Variants in BRINP1 observed in about 807,000 individuals in gnomAD.
BRINP1 encodes the protein BMP/retinoic acid-inducible neural-specific protein 1.
A neutral mutation model predicts 72.9 loss-of-function variants in BRINP1; 17 were observed. That is an observed-to-expected ratio of 0.23 (90% CI 0.16 to 0.35). The LOEUF (loss-of-function observed/expected upper bound fraction) is 0.35, where lower values mean the gene tolerates loss of function less well. Ranked by LOEUF, BRINP1 falls within the 10% of genes least tolerant of loss-of-function variation. The pLI, the probability that BRINP1 is intolerant of heterozygous loss-of-function variation, is 1.00. For missense variants in BRINP1, 850 were observed against 1,001.6 expected (o/e 0.85, Z 2.04); for synonymous variants, 418 against 378.5 (o/e 1.10, Z -1.21).
At position 119,294,853 on chromosome 9, in the gene BRINP1, T is replaced by TAAAA. The variant is rs59715609; in HGVS notation, c.218+18281_218+18284dup. ...CCTGAGCAACAGAGTGACACTACGT[T>TAAAA]AAAAAAAAAAAAAAAAAAGACACAC... On this transcript the variant is annotated intron_variant, in intron 2 of 7. Transcript: ENST00000265922. Among the ~76,000 whole-genome samples the TAAAA allele has an allele frequency of 5.5e-4, 71 of 128,024 alleles. 2 individuals are homozygous for TAAAA. Among genetic ancestry groups the TAAAA allele is most frequent in the African/African-American group, 1.9e-3 (65 of 34,796 alleles). 84.0% of individuals were successfully genotyped at this position (128,024 alleles called of 152,430 possible). A position where few individuals can be genotyped will look rare whatever the true frequency, so the allele number is the denominator to read the frequency against.
At chr9:119,285,201 CAAA>C (rs58381406) in intron 2 of BRINP1, among the ~76,000 whole-genome samples, 3,627 of 121,162 alleles carry the variant, frequency 0.03, 161 homozygotes, top group African/African-American at 0.1. Flanking sequence ...TTGCAGGCAT[CAAA>C]AAAAAAAAAA....
At chr9:119,271,566 T>A (rs578119238) in intron 2 of BRINP1, among the ~76,000 whole-genome samples, 2 of 152,136 alleles carry the variant, frequency 1.3e-5, no homozygotes, top group South Asian at 4.1e-4. Flanking sequence ...TGTTTATATA[T>A]GTCCTCATTC....
At chr9:119,225,064 C>G (rs1218088744) in intron 5 of BRINP1, among the ~76,000 whole-genome samples, 2 of 151,916 alleles carry the variant, frequency 1.3e-5, no homozygotes, top group Admixed American at 1.3e-4. Flanking sequence ...GACAAGCATT[C>G]AAATGAAAAC....
chr9:119,340,728 C>T (rs149813125), intron 1 of BRINP1, among the ~76,000 whole-genome samples: 1,597 of 152,264 alleles, frequency 0.01, 12 homozygotes, highest in Middle Eastern at 0.02. Flanking sequence ...AATGCCCAAC[C>T]TATGATGGGG....
intron 1 of BRINP1, among the ~76,000 whole-genome samples, chr9:119,336,326 A>G (rs1218788107): frequency 6.6e-6 from 1 of 152,148 alleles, no homozygotes; most frequent in Non-Finnish European, 1.5e-5. Flanking sequence ...ATGACTGCAA[A>G]CACCCTCTCC....
intron 2 of BRINP1, among the ~76,000 whole-genome samples, chr9:119,310,752 C>T (rs1466089426): frequency 2.0e-5 from 3 of 152,068 alleles, no homozygotes; most frequent in African/African-American, 7.2e-5. Context: ...TTGTAACGTG[C>T]CGTGTCCATG....
Position 119,369,310 on chromosome 9 carries a change from C to T in BRINP1, c.-305G>A. The T allele has an allele frequency of 2.5e-6, 1 of 398,926 alleles. No homozygotes were observed. The highest frequency in any genetic ancestry group is 1.3e-4 in the South Asian group (1 of 7,864). The allele number at this position is 398,926 out of a possible 1,614,324, so 24.7% of individuals were successfully genotyped here. On this transcript the variant is annotated 5_prime_UTR_variant, in exon 1 of 8. Transcript: ENST00000265922. ...CCCTCTGCCTCCCGGCTCTCTCGCTCTCGCTCTCGCTGTTGCTCGCTCGCT... is the reference window on the plus strand; with the variant it reads ...CCCTCTGCCTCCCGGCTCTCTCGCTTTCGCTCTCGCTGTTGCTCGCTCGCT...
At chr9:119,180,488 T>C (rs1476999044) in intron 7 of BRINP1, among the ~76,000 whole-genome samples, 1 of 101,012 alleles carries the variant, frequency 9.9e-6, no homozygotes, top group African/African-American at 1.2e-4. Flanking sequence ...CATGTGTGTG[T>C]GTGTGTGTGT....
intron 1 of BRINP1, among the ~76,000 whole-genome samples, chr9:119,313,678 A>T (rs913464141): frequency 2.6e-5 from 4 of 152,136 alleles, no homozygotes; most frequent in African/African-American, 9.7e-5. Context: ...TTGGTCTATT[A>T]TGGATGCAGT....
At chr9:119,267,119 A>G (rs1269096577) in intron 2 of BRINP1, among the ~76,000 whole-genome samples, 1 of 152,228 alleles carries the variant, frequency 6.6e-6, no homozygotes, top group Non-Finnish European at 1.5e-5. Context: ...ACACATAATA[A>G]TTGTACACAT....
At chr9:119,266,317 G>A (rs1374859644) in intron 2 of BRINP1, among the ~76,000 whole-genome samples, 1 of 151,252 alleles carries the variant, frequency 6.6e-6, no homozygotes, top group Admixed American at 6.6e-5. Flanking sequence ...TAGAGAGAGG[G>A]AGCAGAGGCC....
intron 1 of BRINP1, among the ~76,000 whole-genome samples, chr9:119,366,415 G>T (rs1054683793): frequency 6.6e-6 from 1 of 151,524 alleles, no homozygotes; most frequent in Admixed American, 6.6e-5. Flanking sequence ...CTCAGTACTG[G>T]GTCCTTGCTT....
chr9:119,219,052 A>G (rs769758670), intron 5 of BRINP1, among the ~76,000 whole-genome samples: 68 of 152,132 alleles, frequency 4.5e-4, no homozygotes, highest in Non-Finnish European at 7.8e-4. Context: ...GTAGCTGTCT[A>G]CAAGCCAGGA....
chr9:119,292,628 A>C (rs1177135506), intron 2 of BRINP1, among the ~76,000 whole-genome samples: 2 of 152,192 alleles, frequency 1.3e-5, no homozygotes, highest in Non-Finnish European at 2.9e-5. Flanking sequence ...CAATGCAGAG[A>C]CTATGAAAGT....
intron 2 of BRINP1, among the ~76,000 whole-genome samples, chr9:119,309,537 G>A (rs1831039916): frequency 6.6e-6 from 1 of 152,160 alleles, no homozygotes; most frequent in African/African-American, 2.4e-5. Flanking sequence ...TTAACAGAAA[G>A]TGAAAATAAG....
chr9:119,306,664 T>C (rs1274109334), intron 2 of BRINP1, among the ~76,000 whole-genome samples: 1 of 152,230 alleles, frequency 6.6e-6, no homozygotes, highest in African/African-American at 2.4e-5. Flanking sequence ...AATATCTTAC[T>C]TCCTAAGGAA....
intron 4 of BRINP1, among the ~76,000 whole-genome samples, chr9:119,239,777 C>T (rs60622719): frequency 0.029 from 4,347 of 152,118 alleles, 192 homozygotes; most frequent in African/African-American, 0.092. Context: ...ACTTCGGGTG[C>T]AGTCATATTT....
intron 2 of BRINP1, among the ~76,000 whole-genome samples, chr9:119,264,328 AC>A (rs1484939395): frequency 6.6e-6 from 1 of 152,194 alleles, no homozygotes; most frequent in African/African-American, 2.4e-5. Flanking sequence ...AACAAATGCC[AC>A]CCACCTGGTC....
chr9:119,304,282 C>A (rs989536265), intron 2 of BRINP1, among the ~76,000 whole-genome samples: 1 of 152,132 alleles, frequency 6.6e-6, no homozygotes, highest in East Asian at 1.9e-4. Context: ...GTTTAAGCAA[C>A]GTGCCTAAGA....
Sources: allele counts gnomAD v4.1 joint callset (sites outside exome capture counted in the v4.1 genomes callset), GRCh38; gene constraint gnomAD v4.1.1; transcripts MANE v1.5; gene names NCBI Gene and HGNC (gene_info 2026-07-23, HGNC 2026-07-21).